Variants in DLGAP2 observed in about 807,000 individuals in gnomAD.
DLGAP2 encodes the protein disks large-associated protein 2.
A neutral mutation model predicts 100.3 loss-of-function variants in DLGAP2; 26 were observed. That is an observed-to-expected ratio of 0.26 (90% CI 0.19 to 0.36). The LOEUF (loss-of-function observed/expected upper bound fraction) is 0.36. DLGAP2 is among the 10% of genes least tolerant of loss of function. The pLI is 1.00. For missense variants in DLGAP2, 1,858 were observed against 1,453.2 expected (o/e 1.28, Z -4.53); for synonymous variants, 886 against 630.1 (o/e 1.41, Z -6.08).
intron 2 of DLGAP2, among the ~76,000 whole-genome samples, chr8:924,557 A>C (rs1446682933): frequency 1.3e-5 from 2 of 151,256 alleles, no homozygotes; most frequent in Non-Finnish European, 2.9e-5. Flanking sequence ...CTGGCACTGC[A>C]TGCTTATCCC....
intron 1 of DLGAP2, among the ~76,000 whole-genome samples, chr8:772,345 C>CA (rs1421499199): frequency 6.6e-6 from 1 of 151,688 alleles, no homozygotes; most frequent in South Asian, 2.1e-4. Context: ...TTTTTTGAGA[C>CA]AGAGTCTTGC....
At chr8:1,252,058 T>C (rs369693047) in intron 2 of DLGAP2, among the ~76,000 whole-genome samples, 22 of 145,190 alleles carry the variant, frequency 1.5e-4, no homozygotes, top group African/African-American at 6.2e-4. Flanking sequence ...GTCACACTTG[T>C]CACACTGTGT....
intron 1 of DLGAP2, among the ~76,000 whole-genome samples, chr8:784,412 A>G (rs886319580): frequency 6.6e-6 from 1 of 152,248 alleles, no homozygotes; most frequent in Non-Finnish European, 1.5e-5. Flanking sequence ...TATATGTTAC[A>G]GTAGGATATG....
At chr8:1,254,050 C>G (rs371772983) in intron 2 of DLGAP2, among the ~76,000 whole-genome samples, 1 of 152,318 alleles carries the variant, frequency 6.6e-6, no homozygotes, top group East Asian at 1.9e-4. Context: ...TGAGCCGCCT[C>G]GTGAGGCTTC....
chr8:1,302,773 G>C (rs1317123045), intron 3 of DLGAP2, among the ~76,000 whole-genome samples: 1 of 152,272 alleles, frequency 6.6e-6, no homozygotes, highest in African/African-American at 2.4e-5. Context: ...TGGGGACCAT[G>C]GAGCGACCTT....
intron 2 of DLGAP2, among the ~76,000 whole-genome samples, chr8:1,124,808 T>G (rs918059226): frequency 6.6e-6 from 1 of 152,180 alleles, no homozygotes; most frequent in Non-Finnish European, 1.5e-5. Context: ...TCATCTCGTT[T>G]TAGTGGGTAG....
chr8:988,284 C>A (rs1040658659), intron 2 of DLGAP2, among the ~76,000 whole-genome samples: 2 of 152,144 alleles, frequency 1.3e-5, no homozygotes, highest in African/African-American at 4.8e-5. Context: ...TTTTAAAAAG[C>A]AAATAGATTT....
In DLGAP2 at chr8:1,146,687, G is replaced by T. The variant is rs1422484834; in HGVS notation, c.74-112164G>T. Among the ~76,000 whole-genome samples the T allele has an allele frequency of 3.3e-5, 5 of 152,350 alleles. 1 individual carries two copies. The East Asian group carries it at 9.6e-4, about 29-fold the overall frequency. ...TGTGTGCATGTGTGTGCATGTGCCT[G>T]TGTAGGGAGAGGGGGGGCTACATTC... On this transcript the variant is annotated intron_variant, in intron 2 of 14. Transcript: ENST00000637795.
chr8:803,117 G>A (rs1796203638), intron 1 of DLGAP2, among the ~76,000 whole-genome samples: 1 of 152,070 alleles, frequency 6.6e-6, no homozygotes, highest in African/African-American at 2.4e-5. Flanking sequence ...TGGCTCCCAC[G>A]GCTCCTGGCT....
At chr8:1,089,274 C>T (rs1472202367) in intron 2 of DLGAP2, among the ~76,000 whole-genome samples, 1 of 152,266 alleles carries the variant, frequency 6.6e-6, no homozygotes, top group Non-Finnish European at 1.5e-5. Context: ...CACAGGCTTT[C>T]TCCGGACATG....
intron 2 of DLGAP2, among the ~76,000 whole-genome samples, chr8:1,228,088 G>A (rs375636477): frequency 6.6e-6 from 1 of 151,618 alleles, no homozygotes; most frequent in Non-Finnish European, 1.5e-5. Flanking sequence ...TGGGGTGGGG[G>A]AATGGGGGAG....
chr8:1,559,309 A>T (rs953593568), intron 5 of DLGAP2, among the ~76,000 whole-genome samples: 3 of 152,238 alleles, frequency 2.0e-5, no homozygotes, highest in South Asian at 2.1e-4. Flanking sequence ...TTTTGGTTTC[A>T]GAGCGTGCAC....
intron 8 of DLGAP2, among the ~76,000 whole-genome samples, chr8:1,642,816 C>T (rs868081953): frequency 6.8e-3 from 9 of 1,314 alleles, no homozygotes; most frequent in African/African-American, 0.016. Context: ...ACCCCGCCGG[C>T]CCTCACCTGT....
At chr8:1,043,541 C>T (rs1302070080) in intron 2 of DLGAP2, among the ~76,000 whole-genome samples, 1 of 151,906 alleles carries the variant, frequency 6.6e-6, no homozygotes, top group African/African-American at 2.4e-5. Flanking sequence ...AAGGATTCTT[C>T]AGGAAGCAGT....
intron 6 of DLGAP2, among the ~76,000 whole-genome samples, chr8:1,585,245 T>A (rs753821113): frequency 6.6e-6 from 1 of 152,030 alleles, no homozygotes; most frequent in Non-Finnish European, 1.5e-5. Context: ...GGCAGATCAC[T>A]TGAGATCAGG....
intron 2 of DLGAP2, among the ~76,000 whole-genome samples, chr8:1,251,884 G>C (rs1167969406): frequency 2.0e-5 from 3 of 152,190 alleles, no homozygotes; most frequent in Non-Finnish European, 2.9e-5. Flanking sequence ...CATGTGTCCT[G>C]TACCCACGTC....
In DLGAP2 at chr8:1,562,033, T is replaced by TC. The variant is rs1249440240; in HGVS notation, c.1231-3650_1231-3649insC. Among the ~76,000 whole-genome samples, 17 of 43,046 alleles carry TC rather than the reference T, an allele frequency of 3.9e-4. 5 individuals carry two copies. The East Asian group carries it at 0.021, about 54-fold the overall frequency. 28.2% of individuals were successfully genotyped at this position (43,046 alleles called of 152,430 possible). A position where few individuals can be genotyped will look rare whatever the true frequency, so the allele number is the denominator to read the frequency against. The stretch of plus-strand genomic sequence containing the variant: ...CTCGTTACTGGGGGACTGTGTGGTG[T>TC]TGGGTGTCCGCGCCTCGTTACTGGG... On this transcript the variant is annotated intron_variant, in intron 5 of 14. Transcript: ENST00000637795.
intron 3 of DLGAP2, among the ~76,000 whole-genome samples, chr8:1,278,060 A>T (rs1195544565): frequency 5.9e-5 from 9 of 152,150 alleles, no homozygotes; most frequent in Non-Finnish European, 1.2e-4. Flanking sequence ...TGCAATTTCA[A>T]CATTCAGGAG....
intron 2 of DLGAP2, among the ~76,000 whole-genome samples, chr8:1,005,938 G>A (rs4735966): frequency 0.014 from 2,184 of 152,252 alleles, 23 homozygotes; most frequent in Middle Eastern, 0.048. Flanking sequence ...CTGGTCTGGC[G>A]CGGTGGCTCA....
Sources: allele counts gnomAD v4.1 joint callset (sites outside exome capture counted in the v4.1 genomes callset), GRCh38; gene constraint gnomAD v4.1.1; transcripts MANE v1.5; gene names NCBI Gene and HGNC (gene_info 2026-07-23, HGNC 2026-07-21).